The following RIOK1 variants were observed in gnomAD, a reference collection of about 807,000 sequenced individuals.
RIOK1 encodes serine/threonine-protein kinase RIO1.
A neutral mutation model predicts 73.5 loss-of-function variants in RIOK1; 66 were observed. The ratio of observed to expected loss-of-function variants is 0.90; its 90% CI spans 0.74 to 1.10. The LOEUF (loss-of-function observed/expected upper bound fraction) is 1.10, where lower values mean the gene tolerates loss of function less well. Among genes scored for constraint, RIOK1 ranks in the 50% least tolerant of loss-of-function variants. The pLI is 0.00. For synonymous variants in RIOK1, 224 were observed against 226.8 expected (o/e 0.99, Z 0.11); for missense variants, 658 against 699.8 (o/e 0.94, Z 0.67).
rs751073811 is a variant in RIOK1, at chr6:7,417,978, G to A, written c.*537G>A. 2 of 152,150 alleles carry A rather than the reference G, an allele frequency of 1.3e-5. No individual in the cohort carries two copies. The highest frequency in any genetic ancestry group is 2.9e-5 in the Non-Finnish European group (2 of 68,028). The allele number at this position is 152,150 out of a possible 1,614,324, so 9.4% of individuals were successfully genotyped here. ...ATCATTTGTAATGCTCTTACACTTC[G>A]TCTTTAATGTTCTTTTTGGAGTTAG... On this transcript the variant is annotated 3_prime_UTR_variant, in exon 17 of 17. Transcript: ENST00000379834.
intron 2 of RIOK1, among the ~76,000 whole-genome samples, chr6:7,394,240 C>T (rs1481956192): frequency 6.6e-6 from 1 of 152,184 alleles, no homozygotes; most frequent in African/African-American, 2.4e-5. Flanking sequence ...TTGAGACCAG[C>T]CTGGCCAACA....
At chr6:7,392,971 T>C (rs1581709495) in intron 1 of RIOK1, 128 bp from the exon 2 acceptor site, 1 of 1,320,864 alleles carries the variant, frequency 7.6e-7, no homozygotes, top group East Asian at 2.7e-5. Context: ...TATCGGAAGG[T>C]GTATTTTATA....
In RIOK1 at chr6:7,416,401, C is replaced by G. The variant is rs188131827; in HGVS notation, c.1597-930C>G. Among the ~76,000 whole-genome samples, 44 of 152,324 alleles carry G rather than the reference C, an allele frequency of 2.9e-4. 1 individual carries two copies. Among genetic ancestry groups the G allele is most frequent in the African/African-American group, 1.0e-3 (42 of 41,570 alleles). On this transcript the variant is annotated intron_variant, in intron 16 of 16. Coordinates refer to ENST00000379834, the MANE Select transcript of RIOK1 (RefSeq NM_031480.3). ...CGGTGGCTCACGCCTGTAATCCCAT[C>G]ACTTTGGGAGGCCAAGGCAGGTGGA...
intron 12 of RIOK1, among the ~76,000 whole-genome samples, chr6:7,406,738 G>T (rs1189682782): frequency 6.6e-6 from 1 of 152,086 alleles, no homozygotes; most frequent in African/African-American, 2.4e-5. Context: ...TTGGCTCACT[G>T]CAACCTCTGC....
chr6:7,390,839 T>C (rs1477776017), intron 1 of RIOK1, among the ~76,000 whole-genome samples: 1 of 152,238 alleles, frequency 6.6e-6, no homozygotes, highest in Non-Finnish European at 1.5e-5. Context: ...AGCAGAAGAA[T>C]GACATTATTT....
At chr6:7,402,985 C>A in intron 8 of RIOK1, 88 bp downstream of exon 8, 1 of 1,217,620 alleles carries the variant, frequency 8.2e-7, no homozygotes, top group Non-Finnish European at 1.2e-6. Flanking sequence ...TGTGGTTCTG[C>A]CCAAATGTAG....
In RIOK1 at chr6:7,412,872, T is replaced by C; in HGVS notation, c.1390-17T>C. 1.4e-6 allele frequency: 2 copies of C among 1,450,458 alleles called. No homozygotes were observed. The highest frequency in any genetic ancestry group is 1.9e-6 in the Non-Finnish European group (2 of 1,071,426). 89.8% of individuals were successfully genotyped at this position (1,450,458 alleles called of 1,614,324 possible). A position where few individuals can be genotyped will look rare whatever the true frequency, so the allele number is the denominator to read the frequency against. ...TTATGTTGATCCTTATTTTTTTTTT[T>C]TCATTTTGGTTATAAGATTCTATAC... On this transcript the variant is annotated splice_polypyrimidine_tract_variant and intron_variant, in intron 14 of 16. Coordinates refer to ENST00000379834, the MANE Select transcript of RIOK1 (RefSeq NM_031480.3).
At chr6:7,391,781 T>TC (rs1476081410) in intron 1 of RIOK1, among the ~76,000 whole-genome samples, 1 of 152,004 alleles carries the variant, frequency 6.6e-6, no homozygotes, top group African/African-American at 2.4e-5. Flanking sequence ...CAGAAGACAG[T>TC]CCCCCACAAC....
intron 15 of RIOK1, 60 bp from the exon 16 acceptor site, chr6:7,414,178 A>G: frequency 1.3e-6 from 2 of 1,495,768 alleles, no homozygotes; most frequent in Admixed American, 2.2e-5. Context: ...ACATTTAACA[A>G]CAACACATAA....
At chr6:7,397,729 G>T (rs1196162366) in intron 4 of RIOK1, among the ~76,000 whole-genome samples, 1 of 152,192 alleles carries the variant, frequency 6.6e-6, no homozygotes, top group Non-Finnish European at 1.5e-5. Context: ...ACTGGTATCT[G>T]TTTGAATCTT....
chr6:7,398,920 T>C (rs1761544897), intron 5 of RIOK1, among the ~76,000 whole-genome samples, 180 bp downstream of exon 5: 1 of 152,206 alleles, frequency 6.6e-6, no homozygotes, highest in Non-Finnish European at 1.5e-5. Flanking sequence ...TATAGGACTA[T>C]TGGATGAATT....
At chr6:7,416,579 C>T (rs1762006549) in intron 16 of RIOK1, among the ~76,000 whole-genome samples, 2 of 146,810 alleles carry the variant, frequency 1.4e-5, no homozygotes, top group South Asian at 2.2e-4. Flanking sequence ...ACCCAGGAGG[C>T]GGAGCTTGCA....
At chr6:7,410,502 G>GTTT in intron 13 of RIOK1, 51 bp downstream of exon 13, 6 of 1,002,544 alleles carry the variant, frequency 6.0e-6, no homozygotes, top group South Asian at 1.7e-5. Flanking sequence ...TGTTTTGAGG[G>GTTT]TTTTTTTTTT....
At chr6:7,394,630 C>T (rs115533598) in intron 2 of RIOK1, among the ~76,000 whole-genome samples, 2,082 of 152,296 alleles carry the variant, frequency 0.014, 20 homozygotes, top group Non-Finnish European at 0.021. Context: ...TGCTGAGCCT[C>T]GTACTTAATA....
chr6:7,396,919 G>GTGTGTGTT, intron 4 of RIOK1, 147 bp downstream of exon 4: 1 of 517,828 alleles, frequency 1.9e-6, no homozygotes. Flanking sequence ...GTGTGTGTGT[G>GTGTGTGTT]TTTTCCTTAG....
Position 7,411,455 on chromosome 6 carries a change from A to G in RIOK1, c.1389+4A>G. 1 of 1,613,954 alleles carries G rather than the reference A, an allele frequency of 6.2e-7. No individual in the cohort carries two copies. The stretch of plus-strand genomic sequence containing the variant: ...CATGAATGCCCAACAAGATAATGTA[A>G]GTAGCTTGGTTTGTATATAGCAAGC... On this transcript the variant is annotated splice_donor_region_variant and intron_variant, in intron 14 of 16. Coordinates refer to ENST00000379834, the MANE Select transcript of RIOK1 (RefSeq NM_031480.3).
At position 7,417,359 on chromosome 6, in the gene RIOK1, A is replaced by G; in HGVS notation, c.1625A>G (p.Gln542Arg). 1 of 1,563,886 alleles carries G rather than the reference A, an allele frequency of 6.4e-7. No homozygotes were observed. Among genetic ancestry groups the G allele is most frequent in the Non-Finnish European group, 8.7e-7 (1 of 1,154,626 alleles). Residue 542 changes from glutamine (Q) to arginine (R), a missense_variant, in exon 17 of 17, where the codon CAG (glutamine) becomes CGG (arginine). Physicochemically the swap from Gln to Arg is conservative, Grantham distance 43. Transcript: ENST00000379834. ...AGAAAAAAGATGGTCAAGGAAGCCC[A>G]GAGAGAGAAAAGAAAAAACAAAATT... is the stretch of plus-strand genomic sequence containing the variant. Reference protein sequence around the residue: ...KERKKMVKEAQREKRKNKIPK... With the variant: ...KERKKMVKEARREKRKNKIPK...
intron 1 of RIOK1, among the ~76,000 whole-genome samples, chr6:7,391,844 A>G (rs763212380): frequency 6.6e-6 from 1 of 152,216 alleles, no homozygotes; most frequent in East Asian, 1.9e-4. Context: ...AGGCAATTAT[A>G]TATCAATCTG....
At chr6:7,405,687 T>G (rs1761726442) in intron 12 of RIOK1, among the ~76,000 whole-genome samples, 1 of 152,136 alleles carries the variant, frequency 6.6e-6, no homozygotes, top group African/African-American at 2.4e-5. Flanking sequence ...TGTAGTTTAT[T>G]CATTTTGACA....
Sources: allele counts gnomAD v4.1 joint callset (sites outside exome capture counted in the v4.1 genomes callset), GRCh38; gene constraint gnomAD v4.1.1; transcripts MANE v1.5; gene names NCBI Gene and HGNC (gene_info 2026-07-23, HGNC 2026-07-21).